The following BRAF variants were observed in gnomAD, a reference collection of about 807,000 sequenced individuals.
BRAF encodes B-Raf proto-oncogene, serine/threonine kinase.
A neutral mutation model predicts 104.6 loss-of-function variants in BRAF; 16 were observed. That is an observed-to-expected ratio of 0.15 (90% CI 0.10 to 0.23). The LOEUF (loss-of-function observed/expected upper bound fraction) is 0.23, where lower values mean the gene tolerates loss of function less well. Ranked by LOEUF, BRAF falls within the 10% of genes least tolerant of loss-of-function variation. The pLI, the probability that BRAF is intolerant of heterozygous loss-of-function variation, is 1.00. For synonymous variants in BRAF, 310 were observed against 341.6 expected (o/e 0.91, Z 1.02); for missense variants, 541 against 937.3 (o/e 0.58, Z 5.52).
chr7:140,749,094 T>C (rs1481157387), intron 17 of BRAF, 193 bp downstream of exon 16: 4 of 593,670 alleles, frequency 6.7e-6, no homozygotes, highest in Non-Finnish European at 1.2e-5. Flanking sequence ...GTAACATTCA[T>C]GACTGATATT....
In BRAF at chr7:140,879,098, G is replaced by A. The variant is rs184290792; in HGVS notation, c.139-28886C>T. On this transcript the variant is annotated intron_variant, in intron 1 of 19. Coordinates refer to ENST00000644969, the MANE Select transcript of BRAF (RefSeq NM_001374258.1). ...TCACCATGTTGGTCAGGCTAGTCTC[G>A]AACTCCTGACTTCAAGTGATCCACC... is the stretch of plus-strand genomic sequence containing the variant. Among the ~76,000 whole-genome samples, 20 of 151,666 alleles carry A rather than the reference G, an allele frequency of 1.3e-4. No individual in the cohort carries two copies. The South Asian group carries it at 1.5e-3, about 11-fold the overall frequency.
chr7:140,773,755 G>A (rs2129016151), intron 14 of BRAF, among the ~76,000 whole-genome samples: 1 of 152,280 alleles, frequency 6.6e-6, no homozygotes, highest in African/African-American at 2.4e-5. Context: ...TGAGAATTGA[G>A]GATTCTACGG....
chr7:140,873,362 G>T (rs998692331), intron 1 of BRAF, among the ~76,000 whole-genome samples: 1 of 152,004 alleles, frequency 6.6e-6, no homozygotes, highest in African/African-American at 2.4e-5. Context: ...TACAGACAGG[G>T]TTTCACCATG....
At chr7:140,803,709 C>T (rs1803363456) in intron 5 of BRAF, among the ~76,000 whole-genome samples, 1 of 152,118 alleles carries the variant, frequency 6.6e-6, no homozygotes, top group Non-Finnish European at 1.5e-5. Context: ...TGATGTAGAA[C>T]ATGAGTCACG....
Position 140,924,456 on chromosome 7 carries a change from A to T in BRAF, c.138+110T>A. ...CCTCCCAGCCCGCGGAGCTGGCCCGAGAAGGTGGCTGAGGGCATCAAGCCC... is the reference window on the plus strand; with the variant it reads ...CCTCCCAGCCCGCGGAGCTGGCCCGTGAAGGTGGCTGAGGGCATCAAGCCC... On this transcript the variant is annotated intron_variant, in intron 1 of 19. Coordinates refer to ENST00000644969, the MANE Select transcript of BRAF (RefSeq NM_001374258.1). The surrounding 1 kb of genome is among the most constrained non-coding windows in gnomAD (Gnocchi z 4.2). 6.8e-7 allele frequency: 1 copy of T among 1,467,156 alleles called. No individual in the cohort carries two copies. Among genetic ancestry groups the T allele is most frequent in the South Asian group, 1.2e-5 (1 of 81,822 alleles). The allele number at this position is 1,467,156 out of a possible 1,614,324, so 90.9% of individuals were successfully genotyped here. A position where few individuals can be genotyped will look rare whatever the true frequency, so the allele number is the denominator to read the frequency against.
chr7:140,805,862 T>C (rs1803607667), intron 5 of BRAF, among the ~76,000 whole-genome samples: 1 of 152,216 alleles, frequency 6.6e-6, no homozygotes, highest in Admixed American at 6.5e-5. Context: ...CACTTTTCCT[T>C]TCTAAGCAGA....
intron 17 of BRAF, among the ~76,000 whole-genome samples, chr7:140,748,335 A>T (rs527821108): frequency 1.2e-4 from 18 of 152,218 alleles, no homozygotes; most frequent in East Asian, 7.7e-4. Flanking sequence ...CACTGTTTTT[A>T]AAAAAAATCT....
chr7:140,722,761 A>G lies in BRAF; in HGVS notation c.*3733T>C. ...GAGGATGTACTGTCATGCCAAGCCT[A>G]CTGAAAATTAAAATTACATCACTGT... On this transcript the variant is annotated 3_prime_UTR_variant, in exon 20 of 20. Coordinates refer to ENST00000644969, the MANE Select transcript of BRAF (RefSeq NM_001374258.1). 9.5e-7 allele frequency: 1 copy of G among 1,051,114 alleles called. No individual in the cohort carries two copies. Among genetic ancestry groups the G allele is most frequent in the South Asian group, 4.6e-5 (1 of 21,854 alleles). The allele number at this position is 1,051,114 out of a possible 1,614,324, so 65.1% of individuals were successfully genotyped here.
chr7:140,904,927 T>C (rs760019769), intron 1 of BRAF, among the ~76,000 whole-genome samples: 1 of 142,332 alleles, frequency 7.0e-6, no homozygotes, highest in African/African-American at 3.0e-5. Context: ...CAAGTATTAA[T>C]AGTTGCTCAA....
chr7:140,753,178 A>C, intron 16 of BRAF, 97 bp downstream of exon 15: 1 of 879,584 alleles, frequency 1.1e-6, no homozygotes, highest in Non-Finnish European at 1.9e-6. Flanking sequence ...GGGAACTATG[A>C]AAATACTATA....
chr7:140,734,184 C>A (rs1490649049), intron 19 of BRAF: 1 of 1,088,506 alleles, frequency 9.2e-7, no homozygotes, highest in African/African-American at 1.6e-5. Context: ...CTAACCCAGG[C>A]TAACCGACTG....
At chr7:140,734,168 C>T in intron 19 of BRAF, 1 of 1,075,888 alleles carries the variant, frequency 9.3e-7, no homozygotes, top group Non-Finnish European at 1.1e-6. Context: ...GTTCAGTTTG[C>T]CTTATCTAAC....
intron 1 of BRAF, among the ~76,000 whole-genome samples, chr7:140,866,952 A>C (rs1217514447): frequency 2.0e-5 from 3 of 152,146 alleles, no homozygotes; most frequent in African/African-American, 7.2e-5. Context: ...CACCTATTTC[A>C]TTTGCTTTAT....
At chr7:140,860,446 T>C (rs1199059509) in intron 1 of BRAF, among the ~76,000 whole-genome samples, 2 of 120,294 alleles carry the variant, frequency 1.7e-5, no homozygotes, top group East Asian at 2.3e-4. Context: ...CTGTGCAACA[T>C]AGCAAGACCC....
At chr7:140,826,700 G>A (rs1284428422) in intron 3 of BRAF, among the ~76,000 whole-genome samples, 1 of 152,160 alleles carries the variant, frequency 6.6e-6, no homozygotes, top group Non-Finnish European at 1.5e-5. Context: ...TCAAAAAAGC[G>A]TGGGTTTGCG....
At chr7:140,849,504 GC>G (rs1808921483) in intron 2 of BRAF, among the ~76,000 whole-genome samples, 1 of 150,108 alleles carries the variant, frequency 6.7e-6, no homozygotes, top group Non-Finnish European at 1.5e-5. Context: ...AAAACTGTGT[GC>G]TTTCTCTTTA....
At chr7:140,910,301 T>C (rs189200099) in intron 1 of BRAF, among the ~76,000 whole-genome samples, 1 of 152,358 alleles carries the variant, frequency 6.6e-6, no homozygotes, top group Admixed American at 6.5e-5. Flanking sequence ...TACATCCTTT[T>C]GTCTTCCTTC....
Position 140,924,587 on chromosome 7 carries a change from C to T in BRAF, c.117G>A (p.Ala39=), listed in dbSNP as rs754027891. The part of the protein sequence containing the change: ...AGAGAAASSA[A]DPAIPEEVWN... Reference sequence around the variant, plus strand: ...TCACCTCCTCCGGAATGGCAGGGTCCGCAGCCGAAGAGGCCGCGGCGCCGG... The same window carrying T: ...TCACCTCCTCCGGAATGGCAGGGTCTGCAGCCGAAGAGGCCGCGGCGCCGG... Residue 39 remains alanine (A), a synonymous_variant, in exon 1 of 20, where the codon GCG becomes GCA. Transcript: ENST00000644969. This position sits in a 1 kb window ranked among gnomAD's most constrained non-coding sequence, Gnocchi z 4.2. 1.3e-6 allele frequency: 2 copies of T among 1,531,042 alleles called. No individual in the cohort carries two copies. The highest frequency in any genetic ancestry group is 2.4e-5 in the South Asian group (2 of 83,902). The allele number at this position is 1,531,042 out of a possible 1,614,324, so 94.8% of individuals were successfully genotyped here. A position where few individuals can be genotyped will look rare whatever the true frequency, so the allele number is the denominator to read the frequency against.
intron 1 of BRAF, among the ~76,000 whole-genome samples, chr7:140,879,274 C>T (rs939917916): frequency 6.6e-5 from 10 of 151,718 alleles, no homozygotes; most frequent in East Asian, 5.8e-4. Flanking sequence ...CTCTGCCTCC[C>T]GGGTTCAAAA....
Sources: allele counts gnomAD v4.1 joint callset (sites outside exome capture counted in the v4.1 genomes callset), GRCh38; gene constraint gnomAD v4.1.1; non-coding constraint Gnocchi (gnomAD v3.1); transcripts MANE v1.5; gene names NCBI Gene and HGNC (gene_info 2026-07-23, HGNC 2026-07-21).